CXCL9: variants seen among roughly 807,000 people sequenced by gnomAD.
The protein encoded by CXCL9 is C-X-C motif chemokine 9.
In CXCL9, 8 loss-of-function variants were observed where a neutral mutation model predicts 11.7. The observed-to-expected ratio is 0.68, with a 90% CI of 0.40 to 1.23. CXCL9 has a LOEUF of 1.23. Ranked by LOEUF, CXCL9 falls within the 50% of genes most tolerant of loss-of-function variation. The pLI, the probability that CXCL9 is intolerant of heterozygous loss-of-function variation, is 0.01. For synonymous variants in CXCL9, 43 were observed against 48.2 expected (o/e 0.89, Z 0.45); for missense variants, 133 against 141.7 (o/e 0.94, Z 0.31).
At chr4:76,004,315 A>C (rs1465960956) in intron 3 of CXCL9, among the ~76,000 whole-genome samples, 1 of 152,198 alleles carries the variant, frequency 6.6e-6, no homozygotes, top group African/African-American at 2.4e-5. Flanking sequence ...CCTTCCTGGC[A>C]AATTATTTAT....
At chr4:76,006,399 A>T in intron 1 of CXCL9, 125 bp from the exon 2 acceptor site, 1 of 911,478 alleles carries the variant, frequency 1.1e-6, no homozygotes, top group Non-Finnish European at 1.7e-6. Context: ...CCTAAAAATA[A>T]TCACCACAAA....
At chr4:76,004,482 G>C (rs138591576) in intron 3 of CXCL9, among the ~76,000 whole-genome samples, 1 of 152,056 alleles carries the variant, frequency 6.6e-6, no homozygotes, top group African/African-American at 2.4e-5. Context: ...ATAATTATTA[G>C]CATATGCACT....
chr4:76,006,805 AAT>A (rs1731595396), intron 1 of CXCL9, among the ~76,000 whole-genome samples: 1 of 152,192 alleles, frequency 6.6e-6, no homozygotes, highest in African/African-American at 2.4e-5. Context: ...CTTGCTTTTC[AAT>A]AGTGTTTTAA....
Position 76,003,694 on chromosome 4 carries a change from G to T in CXCL9, c.282C>A (p.Ser94Arg). 6.3e-7 allele frequency: 1 copy of T among 1,594,182 alleles called. No homozygotes were observed. Among genetic ancestry groups the T allele is most frequent in the Non-Finnish European group, 8.6e-7 (1 of 1,165,344 alleles). The change falls in exon 4 of 4, where the codon AGC (serine) becomes AGA (arginine). Residue 94 changes from serine (S) to arginine (R), a missense_variant. Physicochemically the swap from Ser to Arg is moderately radical, Grantham distance 110 (BLOSUM62 -1). Transcript: ENST00000264888. ...TCCCATTCTTTTGCTTTTTCTTTTGGCTGACCTGTGAGAAGAAGGGGAAAA... is the reference window on the plus strand; with the variant it reads ...TCCCATTCTTTTGCTTTTTCTTTTGTCTGACCTGTGAGAAGAAGGGGAAAA... The part of the protein sequence containing the change: ...ELIKKWEKQV[S>R]QKKKQKNGKK...
rs1731608763 is a variant in CXCL9, at chr4:76,007,399, C to G, written c.51G>C (p.Leu17=). ...AGAACCCCTTACCTTGCACTCCAAT[C>G]AGAACCAGCAAGATGATGCCCAAGA... ...LFLLGIILLV[L]IGVQGTPVVR... is the part of the protein sequence containing the mutation. The change falls in exon 1 of 4, where the codon CTG becomes CTC. Residue 17 remains leucine, a synonymous_variant. Coordinates refer to ENST00000264888, the MANE Select transcript of CXCL9 (RefSeq NM_002416.3). 1 of 1,594,858 alleles carries G rather than the reference C, an allele frequency of 6.3e-7. No individual in the cohort carries two copies. The highest frequency in any genetic ancestry group is 1.3e-5 in the African/African-American group (1 of 74,528).
chr4:76,005,439 C>T (rs1731566865), intron 2 of CXCL9: 1 of 152,156 alleles, frequency 6.6e-6, no homozygotes, highest in Non-Finnish European at 1.5e-5. Context: ...TAAGAGTAGT[C>T]AAGGATGACT....
chr4:76,005,048 T>G, intron 2 of CXCL9, 155 bp from the exon 3 acceptor site: 1 of 1,213,760 alleles, frequency 8.2e-7, no homozygotes, highest in Non-Finnish European at 1.0e-6. Context: ...GGTTGAATTT[T>G]TTTTTTTTTC....
In CXCL9 at chr4:76,002,555, T is replaced by G. The variant is rs1731487183; in HGVS notation, c.*1043A>C. Reference sequence around the variant, plus strand: ...CATCAATTAAAAAATTATTAAAACCTAGTTCCACAGTATTATTAGGCACTG... The same window carrying G: ...CATCAATTAAAAAATTATTAAAACCGAGTTCCACAGTATTATTAGGCACTG... On this transcript the variant is annotated 3_prime_UTR_variant, in exon 4 of 4. Transcript: ENST00000264888. 2.6e-6 allele frequency: 1 copy of G among 390,676 alleles called. No individual in the cohort carries two copies. Among genetic ancestry groups the G allele is most frequent in the African/African-American group, 2.1e-5 (1 of 48,462 alleles). The allele number at this position is 390,676 out of a possible 1,614,324, so 24.2% of individuals were successfully genotyped here.
chr4:76,002,619 A>C lies in CXCL9; in HGVS notation c.*979T>G. The C allele has an allele frequency of 2.8e-6, 1 of 355,674 alleles. No homozygotes were observed. Among genetic ancestry groups the C allele is most frequent in the Non-Finnish European group, 5.0e-6 (1 of 199,568 alleles). The allele number at this position is 355,674 out of a possible 1,614,324, so 22.0% of individuals were successfully genotyped here. A position where few individuals can be genotyped will look rare whatever the true frequency, so the allele number is the denominator to read the frequency against. ...GAAATATACTGTGGCTCTTGCCCTC[A>C]AGGAGCTGACAATCTGGTTGGAGAG... On this transcript the variant is annotated 3_prime_UTR_variant, in exon 4 of 4. Coordinates refer to ENST00000264888, the MANE Select transcript of CXCL9 (RefSeq NM_002416.3).
chr4:76,003,674 T>C lies in CXCL9; in HGVS notation c.302A>G (p.Asn101Ser), dbSNP rs1731523199. The C allele has an allele frequency of 1.2e-6, 2 of 1,610,526 alleles. No individual in the cohort carries two copies. The highest frequency in any genetic ancestry group is 1.7e-4 in the Middle Eastern group (1 of 6,032). Residue 101 changes from asparagine (N) to serine (S), a missense_variant, in exon 4 of 4, where the codon AAT becomes AGT. Coordinates refer to ENST00000264888, the MANE Select transcript of CXCL9 (RefSeq NM_002416.3). ...KQVSQKKKQK[N>S]GKKHQKKKVL... Reference sequence around the variant, plus strand: ...TTTCTTTTTTTGATGTTTTTTCCCATTCTTTTGCTTTTTCTTTTGGCTGAC... The same window carrying C: ...TTTCTTTTTTTGATGTTTTTTCCCACTCTTTTGCTTTTTCTTTTGGCTGAC...
intron 2 of CXCL9, 52 bp downstream of exon 2, chr4:76,006,096 T>C: frequency 6.4e-7 from 1 of 1,560,830 alleles, no homozygotes; most frequent in Non-Finnish European, 8.8e-7. Flanking sequence ...TCATGCTAAA[T>C]TTAATGTTCT....
chr4:76,004,972 T>TAA, intron 2 of CXCL9, 79 bp from the exon 3 acceptor site: 2 of 1,455,700 alleles, frequency 1.4e-6, no homozygotes, highest in Non-Finnish European at 1.8e-6. Flanking sequence ...TGAAAATCAG[T>TAA]ATGAATTGTG....
Position 76,003,366 on chromosome 4 carries a change from T to A in CXCL9, c.*232A>T, listed in dbSNP as rs1731513556. On this transcript the variant is annotated 3_prime_UTR_variant, in exon 4 of 4. Coordinates refer to ENST00000264888, the MANE Select transcript of CXCL9 (RefSeq NM_002416.3). Reference sequence around the variant, plus strand: ...AATCATGGCCTTAAGCATGATGAAATTCAACTGGTGGGTGGTAGAAGAACA... The same window carrying A: ...AATCATGGCCTTAAGCATGATGAAAATCAACTGGTGGGTGGTAGAAGAACA... The A allele has an allele frequency of 2.1e-6, 1 of 476,924 alleles. No homozygotes were observed. Among genetic ancestry groups the A allele is most frequent in the Non-Finnish European group, 3.7e-6 (1 of 270,060 alleles). 29.5% of individuals were successfully genotyped at this position (476,924 alleles called of 1,614,324 possible).
At chr4:76,004,465 T>C (rs1187575072) in intron 3 of CXCL9, among the ~76,000 whole-genome samples, 1 of 152,220 alleles carries the variant, frequency 6.6e-6, no homozygotes, top group Non-Finnish European at 1.5e-5. Context: ...ATTTCTCACA[T>C]TGTACCATAA....
rs1319156845 is a variant in CXCL9 at position 76,003,715 on chromosome 4, G to A, written c.277-16C>T. 7.1e-7 allele frequency: 1 copy of A among 1,405,702 alleles called. No individual in the cohort carries two copies. Among genetic ancestry groups the A allele is most frequent in the Admixed American group, 1.7e-5 (1 of 58,398 alleles). The allele number at this position is 1,405,702 out of a possible 1,614,324, so 87.1% of individuals were successfully genotyped here. A position where few individuals can be genotyped will look rare whatever the true frequency, so the allele number is the denominator to read the frequency against. The stretch of plus-strand genomic sequence containing the variant: ...TTTGGCTGACCTGTGAGAAGAAGGG[G>A]AAAAAGGGCAATGTTTCTGAATCTT... On this transcript the variant is annotated splice_polypyrimidine_tract_variant and intron_variant, in intron 3 of 3. Coordinates refer to ENST00000264888, the MANE Select transcript of CXCL9 (RefSeq NM_002416.3).
Position 76,007,467 on chromosome 4 carries a change from C to A in CXCL9, c.-18G>T, listed in dbSNP as rs753097276. The A allele has an allele frequency of 2.4e-5, 33 of 1,403,008 alleles. No homozygotes were observed. In the South Asian group the frequency reaches 3.8e-4, roughly 16 times the overall value. The allele number at this position is 1,403,008 out of a possible 1,614,324, so 86.9% of individuals were successfully genotyped here. A position where few individuals can be genotyped will look rare whatever the true frequency, so the allele number is the denominator to read the frequency against. ...TTCTTCATAGTGATAGAATGGAGTTCCAAGTCACTCCTGTATTGGATTTTG... is the reference window on the plus strand; with the variant it reads ...TTCTTCATAGTGATAGAATGGAGTTACAAGTCACTCCTGTATTGGATTTTG... On this transcript the variant is annotated 5_prime_UTR_variant, in exon 1 of 4. Coordinates refer to ENST00000264888, the MANE Select transcript of CXCL9 (RefSeq NM_002416.3).
intron 1 of CXCL9, 106 bp downstream of exon 1, chr4:76,007,280 T>C (rs1731606153): frequency 1.3e-6 from 1 of 781,318 alleles, no homozygotes; most frequent in Non-Finnish European, 2.3e-6. Flanking sequence ...ACTGACCAAA[T>C]ATTACTCTTC....
chr4:76,007,461 G>A lies in CXCL9; in HGVS notation c.-12C>T, dbSNP rs1018984190. 1.3e-6 allele frequency: 2 copies of A among 1,500,414 alleles called. No homozygotes were observed. Among genetic ancestry groups the A allele is most frequent in the Non-Finnish European group, 1.9e-6 (2 of 1,076,476 alleles). 92.9% of individuals were successfully genotyped at this position (1,500,414 alleles called of 1,614,324 possible). ...CCACTTTTCTTCATAGTGATAGAATGGAGTTCCAAGTCACTCCTGTATTGG... is the reference window on the plus strand; with the variant it reads ...CCACTTTTCTTCATAGTGATAGAATAGAGTTCCAAGTCACTCCTGTATTGG... On this transcript the variant is annotated 5_prime_UTR_variant, in exon 1 of 4. Coordinates refer to ENST00000264888, the MANE Select transcript of CXCL9 (RefSeq NM_002416.3).
Position 76,007,418 on chromosome 4 carries a change from C to T in CXCL9, c.32G>A (p.Gly11Asp). 1.2e-6 allele frequency: 2 copies of T among 1,603,508 alleles called. No homozygotes were observed. The highest frequency in any genetic ancestry group is 1.7e-6 in the Non-Finnish European group (2 of 1,170,402). ...TCCAATCAGAACCAGCAAGATGATGCCCAAGAGGAAAAGAACACCACTTTT... is the reference window on the plus strand; with the variant it reads ...TCCAATCAGAACCAGCAAGATGATGTCCAAGAGGAAAAGAACACCACTTTT... MKKSGVLFLL[G>D]IILLVLIGVQ... Residue 11 changes from glycine (G) to aspartate (D), a missense_variant, in exon 1 of 4, where the codon GGC becomes GAC. Coordinates refer to ENST00000264888, the MANE Select transcript of CXCL9 (RefSeq NM_002416.3).
Sources: gnomAD v4.1 joint callset for allele counts (sites outside exome capture counted in the v4.1 genomes callset) on GRCh38, gnomAD v4.1.1 for gene constraint, MANE v1.5 for transcripts, NCBI Gene and HGNC (gene_info 2026-07-23, HGNC 2026-07-21) for gene names.